CCBE1: variants seen among roughly 807,000 people sequenced by gnomAD.
CCBE1 encodes collagen and calcium binding EGF domains 1, also known as collagen and calcium-binding EGF domain-containing protein 1.
A neutral mutation model predicts 50.0 loss-of-function variants in CCBE1; 37 were observed. The ratio of observed to expected loss-of-function variants is 0.74; its 90% CI spans 0.57 to 0.97. The LOEUF (loss-of-function observed/expected upper bound fraction) is 0.97. Ranked by LOEUF, CCBE1 falls within the 50% of genes least tolerant of loss-of-function variation. The pLI, the probability that CCBE1 is intolerant of heterozygous loss-of-function variation, is 0.00. For missense variants in CCBE1, 538 were observed against 523.8 expected (o/e 1.03, Z -0.26); for synonymous variants, 234 against 203.7 (o/e 1.15, Z -1.27).
chr18:59,507,810 CTTTACATCTTTCCCTGTATCCTTA>C (rs2144285167), intron 2 of CCBE1, among the ~76,000 whole-genome samples: 1 of 152,240 alleles, frequency 6.6e-6, no homozygotes, highest in Non-Finnish European at 1.5e-5. Context: ...GATCATAAAC[CTTTACATCTTTCCCTGTATCCTTA>C]TTTTCAAGAT....
intron 2 of CCBE1, among the ~76,000 whole-genome samples, chr18:59,572,811 A>C (rs2052933342): frequency 6.6e-6 from 1 of 152,192 alleles, no homozygotes; most frequent in Non-Finnish European, 1.5e-5. Context: ...AATGTCTTGA[A>C]GACATTAAAG....
At chr18:59,560,577 T>G (rs984252222) in intron 2 of CCBE1, among the ~76,000 whole-genome samples, 1 of 152,126 alleles carries the variant, frequency 6.6e-6, no homozygotes. Context: ...GTAACAAACC[T>G]GCACGTTCTG....
intron 2 of CCBE1, among the ~76,000 whole-genome samples, chr18:59,567,112 T>C (rs932984576): frequency 3.9e-5 from 6 of 151,902 alleles, no homozygotes; most frequent in African/African-American, 1.5e-4. Flanking sequence ...TAAACGCATT[T>C]TTTCTTTTCT....
intron 2 of CCBE1, among the ~76,000 whole-genome samples, chr18:59,645,962 C>A (rs989203380): frequency 2.0e-5 from 3 of 151,692 alleles, no homozygotes; most frequent in Non-Finnish European, 4.4e-5. Context: ...ACCCGGCAGA[C>A]GGAGCTTGCA....
chr18:59,488,823 A>G (rs2143798533), intron 2 of CCBE1, among the ~76,000 whole-genome samples: 1 of 152,306 alleles, frequency 6.6e-6, no homozygotes, highest in Admixed American at 6.5e-5. Flanking sequence ...GCTGGCATGC[A>G]TCAAGCCCAA....
intron 2 of CCBE1, among the ~76,000 whole-genome samples, chr18:59,564,449 T>C (rs1403423100): frequency 6.6e-6 from 1 of 152,260 alleles, no homozygotes; most frequent in Non-Finnish European, 1.5e-5. Context: ...GAGCTGCATA[T>C]TATTTCATCA....
intron 2 of CCBE1, among the ~76,000 whole-genome samples, chr18:59,584,571 G>A (rs1348757153): frequency 6.6e-6 from 1 of 152,158 alleles, no homozygotes; most frequent in East Asian, 1.9e-4. Flanking sequence ...GGATCACAGG[G>A]GAGGTTTCCA....
At chr18:59,661,950 G>C (rs1004210067) in intron 2 of CCBE1, among the ~76,000 whole-genome samples, 1 of 145,634 alleles carries the variant, frequency 6.9e-6, no homozygotes, top group African/African-American at 2.7e-5. Flanking sequence ...CAGGGCAACA[G>C]AGTGAGACTC....
In CCBE1 at chr18:59,601,599, T is replaced by C. The variant is rs531199739; in HGVS notation, c.212+95030A>G. Reference sequence around the variant, plus strand: ...CCAATGAATACACGGGGTTTCACCATGTTGTTCAGGCTGCTCTCAAAGTTT... The same window carrying C: ...CCAATGAATACACGGGGTTTCACCACGTTGTTCAGGCTGCTCTCAAAGTTT... On this transcript the variant is annotated intron_variant, in intron 2 of 10. Coordinates refer to ENST00000439986, the MANE Select transcript of CCBE1 (RefSeq NM_133459.4). 5.9e-5 allele frequency among the ~76,000 whole-genome samples: 9 copies of C among 152,354 alleles called. 1 individual carries two copies. Among genetic ancestry groups the C allele is most frequent in the African/African-American group, 2.2e-4 (9 of 41,594 alleles).
At chr18:59,542,531 T>C (rs547579272) in intron 2 of CCBE1, among the ~76,000 whole-genome samples, 1 of 152,372 alleles carries the variant, frequency 6.6e-6, no homozygotes, top group South Asian at 2.1e-4. Flanking sequence ...GAAGTGATAC[T>C]ATCAGCTTAA....
At chr18:59,583,678 TGTGCGCGC>T (rs1197494940) in intron 2 of CCBE1, among the ~76,000 whole-genome samples, 3,673 of 58,506 alleles carry the variant, frequency 0.063, 59 homozygotes, top group African/African-American at 0.13. Flanking sequence ...TGTGTGTGTG[TGTGCGCGC>T]GCGCGCGCGC....
Position 59,435,737 on chromosome 18 carries a change from G to C in CCBE1, c.*171C>G. ...CCTCATGTCTGCAGGCCTAGGAGGG[G>C]ACTCTGAAAATAGCATCGTATTTGG... is the stretch of plus-strand genomic sequence containing the variant. On this transcript the variant is annotated 3_prime_UTR_variant, in exon 11 of 11. Coordinates refer to ENST00000439986, the MANE Select transcript of CCBE1 (RefSeq NM_133459.4). The C allele has an allele frequency of 1.4e-6, 1 of 716,220 alleles. No individual in the cohort carries two copies. The highest frequency in any genetic ancestry group is 2.5e-6 in the Non-Finnish European group (1 of 399,624). 44.4% of individuals were successfully genotyped at this position (716,220 alleles called of 1,614,324 possible).
At chr18:59,563,307 A>C (rs1410101827) in intron 2 of CCBE1, among the ~76,000 whole-genome samples, 3 of 149,696 alleles carry the variant, frequency 2.0e-5, no homozygotes, top group Admixed American at 6.6e-5. Flanking sequence ...AAGCACAATT[A>C]GTTTTTCTTG....
At chr18:59,454,780 A>G in intron 6 of CCBE1, 71 bp downstream of exon 6, 5 of 1,224,738 alleles carry the variant, frequency 4.1e-6, no homozygotes, top group Non-Finnish European at 6.0e-6. Context: ...ATTTGTAAAT[A>G]TCCTTCCACC....
chr18:59,470,073 G>A (rs533725152), intron 3 of CCBE1, among the ~76,000 whole-genome samples: 1 of 152,232 alleles, frequency 6.6e-6, no homozygotes, highest in South Asian at 2.1e-4. Context: ...GGTAGGAAGG[G>A]GGCTTTGTGT....
rs771201836 is a variant in CCBE1 at position 59,480,273 on chromosome 18, T to C, written c.213-35A>G. On this transcript the variant is annotated intron_variant, in intron 2 of 10. Transcript: ENST00000439986. The stretch of plus-strand genomic sequence containing the variant: ...AAACAAACATTTAAAATATAATAAT[T>C]AGGCTAAAAATAAAATTCTTTCCAG... The C allele has an allele frequency of 1.1e-5, 15 of 1,425,512 alleles. No homozygotes were observed. The South Asian group carries it at 1.2e-4, about 11-fold the overall frequency. 88.3% of individuals were successfully genotyped at this position (1,425,512 alleles called of 1,614,324 possible).
At chr18:59,528,567 G>GT (rs970194301) in intron 2 of CCBE1, among the ~76,000 whole-genome samples, 1 of 152,022 alleles carries the variant, frequency 6.6e-6, no homozygotes, top group Non-Finnish European at 1.5e-5. Flanking sequence ...TGTTTTCAGC[G>GT]TTTTTTTGTT....
intron 2 of CCBE1, among the ~76,000 whole-genome samples, chr18:59,528,567 G>A (rs915974963): frequency 2.0e-5 from 3 of 152,020 alleles, no homozygotes; most frequent in Non-Finnish European, 4.4e-5. Context: ...TGTTTTCAGC[G>A]TTTTTTTGTT....
chr18:59,454,950 G>T lies in CCBE1; in HGVS notation c.555C>A (p.Gly185=). 1.2e-6 allele frequency: 2 copies of T among 1,612,716 alleles called. No homozygotes were observed. Among genetic ancestry groups the T allele is most frequent in the South Asian group, 1.1e-5 (1 of 91,054 alleles). Residue 185 remains glycine, a splice_region_variant and synonymous_variant, in exon 6 of 11, where the codon GGC becomes GGA. Coordinates refer to ENST00000439986, the MANE Select transcript of CCBE1 (RefSeq NM_133459.4). ...TRGDKYPNDT[G]HEKSENMVKA... ...TCACCATGTTCTCAGACTTCTCATG[G>T]CCTGAGAAAGGAGATAGGCTCAGTC...
Sources: allele counts gnomAD v4.1 joint callset (sites outside exome capture counted in the v4.1 genomes callset), GRCh38; gene constraint gnomAD v4.1.1; transcripts MANE v1.5; gene names NCBI Gene and HGNC (gene_info 2026-07-23, HGNC 2026-07-21).